ARHGAP18: variants seen among roughly 807,000 people sequenced by gnomAD.
ARHGAP18 encodes Rho GTPase activating protein 18.
A neutral mutation model predicts 86.2 loss-of-function variants in ARHGAP18; 67 were observed. The ratio of observed to expected loss-of-function variants is 0.78; its 90% CI spans 0.64 to 0.95. ARHGAP18 has a LOEUF of 0.95. ARHGAP18 is among the 40% of genes least tolerant of loss of function. ARHGAP18 has a pLI of 0.00. For missense variants in ARHGAP18, 691 were observed against 780.4 expected (o/e 0.89, Z 1.37); for synonymous variants, 283 against 280.4 (o/e 1.01, Z -0.09).
At position 129,641,612 on chromosome 6, in the gene ARHGAP18, T is replaced by C. The variant is rs143435846; in HGVS notation, c.316+204A>G. Among the ~76,000 whole-genome samples the C allele has an allele frequency of 5.1e-3, 780 of 152,340 alleles. 9 individuals are homozygous for C. The highest frequency in any genetic ancestry group is 0.018 in the African/African-American group (731 of 41,592). ...GCCAACAACATTCCAGCCATATCTA[T>C]GACTAAGCTAACTTACTTATGCCAC... On this transcript the variant is annotated intron_variant, in intron 2 of 14. Transcript: ENST00000368149.
intron 12 of ARHGAP18, among the ~76,000 whole-genome samples, chr6:129,589,477 A>T (rs1205686929): frequency 6.6e-6 from 1 of 152,264 alleles, no homozygotes; most frequent in South Asian, 2.1e-4. Flanking sequence ...CCACAACACT[A>T]TCAGCATTTT....
intron 1 of ARHGAP18, among the ~76,000 whole-genome samples, chr6:129,664,814 G>A (rs1774009518): frequency 1.3e-5 from 2 of 152,166 alleles, no homozygotes; most frequent in African/African-American, 2.4e-5. Flanking sequence ...GTGGTGAGAA[G>A]TGCTATGAAA....
At chr6:129,657,360 G>T (rs1014768681) in intron 1 of ARHGAP18, among the ~76,000 whole-genome samples, 1 of 150,236 alleles carries the variant, frequency 6.7e-6, no homozygotes. Context: ...TCAAAGAGAG[G>T]TAATTTGCAT....
intron 12 of ARHGAP18, among the ~76,000 whole-genome samples, chr6:129,592,071 A>G (rs897357158): frequency 1.1e-4 from 16 of 152,192 alleles, no homozygotes; most frequent in African/African-American, 3.9e-4. Flanking sequence ...GTTAATAAGA[A>G]TTTAATTTCC....
At chr6:129,631,896 C>T (rs35180785) in intron 4 of ARHGAP18, among the ~76,000 whole-genome samples, 31,381 of 151,810 alleles carry the variant, frequency 0.21, 3,427 homozygotes, top group Non-Finnish European at 0.24. Context: ...AATATTGGGC[C>T]TTTAATAGAG....
chr6:129,636,071 T>C (rs887996581), intron 3 of ARHGAP18, among the ~76,000 whole-genome samples: 16 of 152,244 alleles, frequency 1.1e-4, no homozygotes, highest in African/African-American at 3.9e-4. Flanking sequence ...GTGAGGGTTC[T>C]CCAATTGGGA....
intron 6 of ARHGAP18, among the ~76,000 whole-genome samples, chr6:129,616,559 T>G (rs1410919626): frequency 3.9e-5 from 6 of 152,184 alleles, no homozygotes; most frequent in African/African-American, 1.4e-4. Context: ...ATTAGAAAAG[T>G]GCAAACTGCT....
At chr6:129,617,639 T>TAA (rs927818976) in intron 6 of ARHGAP18, among the ~76,000 whole-genome samples, 2 of 147,140 alleles carry the variant, frequency 1.4e-5, no homozygotes, top group Admixed American at 6.8e-5. Flanking sequence ...ACATAAGAAT[T>TAA]AAAAAAAAAA....
chr6:129,583,856 T>C (rs1479845261), intron 13 of ARHGAP18, 132 bp downstream of exon 13: 1 of 1,158,378 alleles, frequency 8.6e-7, no homozygotes, highest in East Asian at 2.6e-5. Flanking sequence ...GAAGACAATA[T>C]TTTTAAGCAT....
intron 1 of ARHGAP18, among the ~76,000 whole-genome samples, chr6:129,660,606 G>A (rs1773930285): frequency 6.6e-6 from 1 of 152,144 alleles, no homozygotes; most frequent in South Asian, 2.1e-4. Context: ...CGGACCAGCG[G>A]CACCAGGCAT....
intron 1 of ARHGAP18, among the ~76,000 whole-genome samples, chr6:129,646,405 T>A (rs1053677338): frequency 6.6e-6 from 1 of 152,132 alleles, no homozygotes; most frequent in African/African-American, 2.4e-5. Context: ...TTTAATAAGG[T>A]CTAGAGGAAT....
chr6:129,680,754 A>C (rs1255664732), intron 1 of ARHGAP18, among the ~76,000 whole-genome samples: 2 of 152,236 alleles, frequency 1.3e-5, no homozygotes, highest in African/African-American at 4.8e-5. Context: ...TGCTCCTTAT[A>C]GTTGCTTTTC....
chr6:129,686,978 CTTTTTT>C (rs71028176), intron 1 of ARHGAP18, among the ~76,000 whole-genome samples: 9 of 106,940 alleles, frequency 8.4e-5, no homozygotes, highest in Non-Finnish European at 1.5e-4. Context: ...TTTTTTTTTT[CTTTTTT>C]TTTTTTTTTT....
At chr6:129,627,992 G>A (rs1477402513) in intron 5 of ARHGAP18, among the ~76,000 whole-genome samples, 1 of 152,130 alleles carries the variant, frequency 6.6e-6, no homozygotes, top group Non-Finnish European at 1.5e-5. Flanking sequence ...GGAACTGGGT[G>A]GGGGTATGAA....
In ARHGAP18 at chr6:129,600,727, G is replaced by T. The variant is rs371467779; in HGVS notation, c.1487C>A (p.Ser496Tyr). ...CATTACAAATTCTCGCTGTTCACTG[G>T]ACTTCAATCCCAATGCATGACACAT... is the stretch of plus-strand genomic sequence containing the variant. ...LFMCHALGLK[S>Y]SEQREFVMAA... is the part of the protein sequence containing the mutation. Residue 496 changes from serine (S) to tyrosine (Y), a missense_variant, in exon 11 of 15, where the codon TCC (serine) becomes TAC (tyrosine). Physicochemically the swap from Ser to Tyr is moderately radical, Grantham distance 144. Transcript: ENST00000368149. 5.6e-5 allele frequency: 90 copies of T among 1,613,522 alleles called. No individual in the cohort carries two copies. Among genetic ancestry groups the T allele is most frequent in the Non-Finnish European group, 7.2e-5 (85 of 1,179,782 alleles).
intron 13 of ARHGAP18, among the ~76,000 whole-genome samples, chr6:129,582,973 C>A (rs984047102): frequency 1.3e-5 from 2 of 152,188 alleles, no homozygotes; most frequent in African/African-American, 4.8e-5. Flanking sequence ...ATCCTTTCTC[C>A]CAATTTATAA....
chr6:129,599,828 C>G (rs973006093), intron 11 of ARHGAP18, among the ~76,000 whole-genome samples: 2 of 152,018 alleles, frequency 1.3e-5, no homozygotes, highest in Non-Finnish European at 2.9e-5. Flanking sequence ...TAGCAAAAAT[C>G]CAGAACAAAT....
chr6:129,656,668 TA>T (rs35138531), intron 1 of ARHGAP18, among the ~76,000 whole-genome samples: 39,041 of 151,258 alleles, frequency 0.26, 5,073 homozygotes, highest in Admixed American at 0.29. Flanking sequence ...AAATAAAAAA[TA>T]AAAAAAAATA....
chr6:129,687,173 G>A (rs566654097), intron 1 of ARHGAP18, among the ~76,000 whole-genome samples: 104 of 151,820 alleles, frequency 6.9e-4, no homozygotes, highest in African/African-American at 2.5e-3. Flanking sequence ...GATGACAGTT[G>A]GCTACAGATG....
Sources: gnomAD v4.1 joint callset for allele counts (sites outside exome capture counted in the v4.1 genomes callset) on GRCh38, gnomAD v4.1.1 for gene constraint, MANE v1.5 for transcripts, NCBI Gene and HGNC (gene_info 2026-07-23, HGNC 2026-07-21) for gene names.